RFWD3: variants seen among roughly 807,000 people sequenced by gnomAD.
The protein encoded by RFWD3 is ring finger and WD repeat domain 3, also known as E3 ubiquitin-protein ligase RFWD3.
Under a neutral mutation model 87.7 loss-of-function variants are expected in RFWD3, and 65 were observed. The ratio of observed to expected loss-of-function variants is 0.74; its 90% CI spans 0.61 to 0.91. The LOEUF is 0.91. RFWD3 is among the 40% of genes least tolerant of loss of function. The probability of loss-of-function intolerance (pLI) is 0.00; values close to 1 mark genes in which losing one functional copy is unlikely to be tolerated. For synonymous variants in RFWD3, 433 were observed against 352.8 expected, an observed-to-expected ratio of 1.23 and a Z score of -2.55; for missense variants, 1,078 against 938.5, an observed-to-expected ratio of 1.15 and a Z score of -1.94.
intron 2 of RFWD3, chr16:74,660,683 G>A: frequency 2.3e-6 from 1 of 427,458 alleles, no homozygotes; most frequent in Non-Finnish European, 4.2e-6. Flanking sequence ...GACACAATCT[G>A]AACAACAGCC....
At chr16:74,630,647 G>A in intron 10 of RFWD3, 134 bp downstream of exon 10, 1 of 609,542 alleles carries the variant, frequency 1.6e-6, no homozygotes, top group Non-Finnish European at 2.7e-6. Context: ...ATTCTGAAGT[G>A]AGATCAAGTG....
intron 3 of RFWD3, 60 bp downstream of exon 3, chr16:74,651,860 C>T: frequency 6.8e-7 from 1 of 1,472,350 alleles, no homozygotes; most frequent in South Asian, 1.2e-5. Flanking sequence ...TTCTAGCCTT[C>T]CGAAATTTAA....
At chr16:74,642,893 G>C (rs568725304) in intron 6 of RFWD3, among the ~76,000 whole-genome samples, 1 of 152,182 alleles carries the variant, frequency 6.6e-6, no homozygotes, top group African/African-American at 2.4e-5. Context: ...TCGGCATTTT[G>C]AAACTCTTCA....
chr16:74,653,134 T>A (rs1447109538), intron 2 of RFWD3, among the ~76,000 whole-genome samples: 11 of 151,610 alleles, frequency 7.3e-5, no homozygotes, highest in Admixed American at 7.2e-4. Context: ...TGCCTAGGAG[T>A]TCGAGACCAG....
In RFWD3 at chr16:74,644,702, A is replaced by C. The variant is rs1332565652; in HGVS notation, c.826T>G (p.Ser276Ala). The C allele has an allele frequency of 6.2e-7, 1 of 1,614,208 alleles. No homozygotes were observed. Among genetic ancestry groups the C allele is most frequent in the Non-Finnish European group, 8.5e-7 (1 of 1,180,024 alleles). ...SPQKSEPLLP[S>A]ASMDEEEGDT... The stretch of plus-strand genomic sequence containing the variant: ...CCTTCTTCCTCATCCATAGAAGCAG[A>C]AGGTAGCAGAGGCTCAGACTTCTGG... Residue 276 changes from serine to alanine, a missense_variant, in exon 5 of 13, where the codon TCT becomes GCT. By Grantham distance (99) the Ser-to-Ala change is moderately conservative. Transcript: ENST00000361070.
At chr16:74,638,997 T>C (rs376032009) in intron 6 of RFWD3, among the ~76,000 whole-genome samples, 48 of 152,144 alleles carry the variant, frequency 3.2e-4, no homozygotes, top group African/African-American at 1.1e-3. Flanking sequence ...ATGGTATTTA[T>C]GTATCTAAAC....
In RFWD3 at chr16:74,654,024, T is replaced by C. The variant is rs189342781; in HGVS notation, c.519-1902A>G. On this transcript the variant is annotated intron_variant, in intron 2 of 12. Transcript: ENST00000361070. ...CACAATTTAAAAGTGTTCAATTCAG[T>C]GTTGTTTTTTTTTAGCATAACCACA... Among the ~76,000 whole-genome samples, 26 of 152,258 alleles carry C rather than the reference T, an allele frequency of 1.7e-4. No homozygotes were observed. In the East Asian group the frequency reaches 4.6e-3, roughly 27 times the overall value.
intron 1 of RFWD3, chr16:74,665,159 T>C (rs947543468): frequency 1.3e-5 from 2 of 152,270 alleles, no homozygotes; most frequent in Non-Finnish European, 2.9e-5. Flanking sequence ...GTTCAAATCT[T>C]TGCTCTGGCC....
At chr16:74,658,533 C>T (rs1340464544) in intron 2 of RFWD3, among the ~76,000 whole-genome samples, 2 of 152,144 alleles carry the variant, frequency 1.3e-5, no homozygotes, top group African/African-American at 4.8e-5. Context: ...AAATTCATCT[C>T]AAGAAATTCA....
intron 6 of RFWD3, among the ~76,000 whole-genome samples, chr16:74,640,187 G>T (rs1240643260): frequency 2.0e-5 from 3 of 150,776 alleles, no homozygotes; most frequent in Non-Finnish European, 4.4e-5. Flanking sequence ...CTGTTGCCCA[G>T]GTTGGAGTGC....
chr16:74,666,182 T>TTAGATAGATAGATAGATAGA (rs112542876), intron 1 of RFWD3: 1 of 131,324 alleles, frequency 7.6e-6, no homozygotes. Context: ...GATAGACAGA[T>TTAGATAGATAGATAGATAGA]TAGATAGATA....
At chr16:74,642,307 A>G (rs546675732) in intron 6 of RFWD3, among the ~76,000 whole-genome samples, 1 of 152,056 alleles carries the variant, frequency 6.6e-6, no homozygotes, top group Non-Finnish European at 1.5e-5. Flanking sequence ...TATTTTTAGT[A>G]AAGATGGGGT....
chr16:74,632,795 G>A (rs554498203), intron 8 of RFWD3, 122 bp from the exon 9 acceptor site: 3 of 840,532 alleles, frequency 3.6e-6, no homozygotes, highest in African/African-American at 3.4e-5. Context: ...GGAACCAGCT[G>A]GTCAAACAAA....
chr16:74,661,599 A>C (rs1171552937), intron 1 of RFWD3, 148 bp from the exon 2 acceptor site: 1 of 761,160 alleles, frequency 1.3e-6, no homozygotes, highest in Non-Finnish European at 2.1e-6. Context: ...TTAACTACTT[A>C]AGTCAGAAGT....
At chr16:74,645,745 CTTTTTTTTTTTTTT>C (rs71376293) in intron 4 of RFWD3, among the ~76,000 whole-genome samples, 3 of 74,214 alleles carry the variant, frequency 4.0e-5, no homozygotes, top group Non-Finnish European at 7.0e-5. Context: ...CAAATATTTT[CTTTTTTTTTTTTTT>C]TTTTTTTTTT....
At chr16:74,649,083 A>C in intron 4 of RFWD3, 49 bp downstream of exon 4, 1 of 1,241,486 alleles carries the variant, frequency 8.1e-7, no homozygotes, top group Non-Finnish European at 1.1e-6. Context: ...TAGTCTCTAA[A>C]AATAAATAAA....
intron 7 of RFWD3, among the ~76,000 whole-genome samples, chr16:74,637,122 TAAAAAAAAAA>T (rs759556308): frequency 6.7e-4 from 68 of 101,798 alleles, no homozygotes; most frequent in African/African-American, 2.3e-3. Context: ...TAAAGTCCTT[TAAAAAAAAAA>T]AAAAAAAAAA....
chr16:74,636,922 G>A (rs1178913630), intron 7 of RFWD3, among the ~76,000 whole-genome samples: 9 of 151,580 alleles, frequency 5.9e-5, no homozygotes, highest in Non-Finnish European at 1.0e-4. Flanking sequence ...CACGTTGGCC[G>A]GGCTGGTCTT....
At chr16:74,640,975 G>C (rs1286584433) in intron 6 of RFWD3, among the ~76,000 whole-genome samples, 4 of 151,898 alleles carry the variant, frequency 2.6e-5, no homozygotes, top group African/African-American at 7.2e-5. Context: ...GAAAAAATGA[G>C]AAATCTCTCC....
Sources: allele counts gnomAD v4.1 joint callset (sites outside exome capture counted in the v4.1 genomes callset), GRCh38; gene constraint gnomAD v4.1.1; transcripts MANE v1.5; gene names NCBI Gene and HGNC (gene_info 2026-07-23, HGNC 2026-07-21).